The following CBFB variants were observed in gnomAD, a reference collection of about 807,000 sequenced individuals.
CBFB encodes CBF-beta.
In CBFB, 9 loss-of-function variants were observed where a neutral mutation model predicts 30.4. The ratio of observed to expected loss-of-function variants is 0.30; its 90% CI spans 0.18 to 0.52. The LOEUF is 0.52. Ranked by LOEUF, CBFB falls within the 20% of genes least tolerant of loss-of-function variation. The probability of loss-of-function intolerance (pLI) is 0.97; values close to 1 mark genes in which losing one functional copy is unlikely to be tolerated. For synonymous variants in CBFB, 94 were observed against 84.0 expected (o/e 1.12, Z -0.65); for missense variants, 170 against 244.0 (o/e 0.70, Z 2.02).
intron 3 of CBFB, among the ~76,000 whole-genome samples, chr16:67,058,229 C>T (rs981987058): frequency 6.6e-6 from 1 of 152,146 alleles, no homozygotes; most frequent in Non-Finnish European, 1.5e-5. Context: ...CAACTTCTGC[C>T]TCCTGGGTTC....
chr16:67,048,929 C>G (rs1158092584), intron 3 of CBFB, among the ~76,000 whole-genome samples: 2 of 147,926 alleles, frequency 1.4e-5, no homozygotes, highest in African/African-American at 5.0e-5. Flanking sequence ...CATGCAATTC[C>G]CTACCTCAGC....
chr16:67,084,781 G>A (rs1333278672), intron 5 of CBFB, among the ~76,000 whole-genome samples: 3 of 151,804 alleles, frequency 2.0e-5, no homozygotes, highest in South Asian at 2.1e-4. Context: ...GTGTGTGTGC[G>A]TGCATGGGTG....
intron 4 of CBFB, among the ~76,000 whole-genome samples, chr16:67,078,845 G>T (rs921501264): frequency 6.6e-6 from 1 of 152,020 alleles, no homozygotes; most frequent in African/African-American, 2.4e-5. Context: ...TAGTAGAGAC[G>T]GGGTTTCACC....
chr16:67,088,385 A>C (rs746617728), intron 5 of CBFB, among the ~76,000 whole-genome samples: 26 of 152,324 alleles, frequency 1.7e-4, no homozygotes, highest in South Asian at 4.1e-4. Context: ...AACATCATCT[A>C]ATCTAACATT....
At chr16:67,033,817 T>C (rs1966397283) in intron 2 of CBFB, among the ~76,000 whole-genome samples, 1 of 142,834 alleles carries the variant, frequency 7.0e-6, no homozygotes, top group African/African-American at 2.8e-5. Context: ...AGTTTCACCG[T>C]TGTTTTTTTT....
Position 67,029,188 on chromosome 16 carries a change from A to AGGC in CBFB, c.-197_-195dup, listed in dbSNP as rs557593884. On this transcript the variant is annotated 5_prime_UTR_variant, in exon 1 of 6. Transcript: ENST00000412916. ...CTGCGCGGGCGGCAGGCAACGGCTG[A>AGGC]GGCGGCGGCGGCGGCGGCGGCGGCG... is the stretch of plus-strand genomic sequence containing the variant. The AGGC allele has an allele frequency of 1.5e-3, 284 of 192,874 alleles. 2 individuals are homozygous for AGGC. Among genetic ancestry groups the AGGC allele is most frequent in the South Asian group, 5.0e-3 (31 of 6,166 alleles). The allele number at this position is 192,874 out of a possible 1,614,324, so 11.9% of individuals were successfully genotyped here. A position where few individuals can be genotyped will look rare whatever the true frequency, so the allele number is the denominator to read the frequency against.
At chr16:67,075,185 A>G (rs1391994794) in intron 4 of CBFB, among the ~76,000 whole-genome samples, 6 of 140,714 alleles carry the variant, frequency 4.3e-5, no homozygotes, top group African/African-American at 8.0e-5. Flanking sequence ...GCGAGATTCT[A>G]TCTCAAAAAA....
chr16:67,082,919 AAATC>A (rs1201410081), intron 5 of CBFB, among the ~76,000 whole-genome samples: 1 of 152,190 alleles, frequency 6.6e-6, no homozygotes. Flanking sequence ...ATAAATAAAA[AAATC>A]TATAGCCCAA....
intron 3 of CBFB, among the ~76,000 whole-genome samples, chr16:67,045,175 TTTAG>T (rs1184403211): frequency 6.6e-6 from 1 of 152,174 alleles, no homozygotes; most frequent in East Asian, 1.9e-4. Context: ...TTTTAGTTAT[TTTAG>T]TTATTTTTCA....
intron 3 of CBFB, among the ~76,000 whole-genome samples, chr16:67,048,276 AT>A (rs1468442484): frequency 2.6e-5 from 4 of 151,950 alleles, no homozygotes; most frequent in Admixed American, 6.6e-5. Flanking sequence ...CCCCTAAAAC[AT>A]TTTTTATTTT....
intron 3 of CBFB, among the ~76,000 whole-genome samples, chr16:67,063,796 T>G (rs1313021570): frequency 1.3e-5 from 2 of 152,174 alleles, no homozygotes; most frequent in Non-Finnish European, 2.9e-5. Flanking sequence ...TTATCATGTT[T>G]ATAATTATTG....
At chr16:67,084,781 G>C (rs1333278672) in intron 5 of CBFB, among the ~76,000 whole-genome samples, 1 of 151,804 alleles carries the variant, frequency 6.6e-6, no homozygotes, top group Non-Finnish European at 1.5e-5. Context: ...GTGTGTGTGC[G>C]TGCATGGGTG....
intron 3 of CBFB, among the ~76,000 whole-genome samples, chr16:67,052,785 G>T (rs962716204): frequency 6.6e-5 from 10 of 151,976 alleles, no homozygotes; most frequent in East Asian, 3.9e-4. Flanking sequence ...AACAAAGTGA[G>T]ACCCCATCTC....
At chr16:67,090,117 G>C (rs1961841212) in intron 5 of CBFB, among the ~76,000 whole-genome samples, 1 of 152,134 alleles carries the variant, frequency 6.6e-6, no homozygotes, top group Non-Finnish European at 1.5e-5. Flanking sequence ...TCTGTTGGAG[G>C]CTACCAGTTA....
At chr16:67,051,554 CAG>C (rs1430225165) in intron 3 of CBFB, among the ~76,000 whole-genome samples, 3 of 151,772 alleles carry the variant, frequency 2.0e-5, no homozygotes, top group African/African-American at 4.8e-5. Context: ...GTTTGTTTCA[CAG>C]TGTGTTTTTG....
chr16:67,037,961 A>C (rs1966469606), intron 3 of CBFB, among the ~76,000 whole-genome samples: 1 of 152,000 alleles, frequency 6.6e-6, no homozygotes, highest in South Asian at 2.1e-4. Context: ...GAGCTACTGC[A>C]CCTGGCCTGG....
At chr16:67,069,081 G>T (rs1233729488) in intron 4 of CBFB, among the ~76,000 whole-genome samples, 3 of 152,152 alleles carry the variant, frequency 2.0e-5, no homozygotes, top group African/African-American at 7.2e-5. Flanking sequence ...AGGCATGGTG[G>T]CGCATGCCTG....
intron 2 of CBFB, chr16:67,030,047 G>T: frequency 4.5e-6 from 2 of 449,050 alleles, no homozygotes; most frequent in Non-Finnish European, 7.8e-6. Context: ...GGAGCACCGC[G>T]AGTGGAGCTC....
At chr16:67,082,669 A>G (rs977487657) in intron 5 of CBFB, among the ~76,000 whole-genome samples, 4 of 152,172 alleles carry the variant, frequency 2.6e-5, no homozygotes, top group Non-Finnish European at 5.9e-5. Context: ...AACATTATTA[A>G]AACTCGAGTA....
Sources: allele counts gnomAD v4.1 joint callset (sites outside exome capture counted in the v4.1 genomes callset), GRCh38; gene constraint gnomAD v4.1.1; transcripts MANE v1.5; gene names NCBI Gene and HGNC (gene_info 2026-07-23, HGNC 2026-07-21).